STMN3: variants seen among roughly 807,000 people sequenced by gnomAD.
STMN3 encodes stathmin-3.
In STMN3, 24 loss-of-function variants were observed where a neutral mutation model predicts 23.2. That is an observed-to-expected ratio of 1.03 (90% CI 0.75 to 1.45). The LOEUF is 1.45. Among genes scored for constraint, STMN3 ranks in the 40% most tolerant of loss-of-function variants. The pLI, the probability that STMN3 is intolerant of heterozygous loss-of-function variation, is 0.00. For missense variants in STMN3, 235 were observed against 237.6 expected (o/e 0.99, Z 0.07); for synonymous variants, 117 against 103.4 (o/e 1.13, Z -0.80).
chr20:63,644,172 G>T, intron 2 of STMN3, 42 bp downstream of exon 2: 2 of 1,547,608 alleles, frequency 1.3e-6, no homozygotes, highest in Non-Finnish European at 1.8e-6. Context: ...GGTGAGGTGG[G>T]CAGGCACCGC....
At chr20:63,644,176 G>A (rs141932828) in intron 2 of STMN3, 38 bp downstream of exon 2, 3 of 1,561,938 alleles carry the variant, frequency 1.9e-6, no homozygotes, top group East Asian at 2.2e-5. Context: ...AGGTGGGCAG[G>A]CACCGCAGGG....
chr20:63,652,640 G>T lies in STMN3; in HGVS notation c.19+687C>A, dbSNP rs996645287. The T allele has an allele frequency of 6.1e-6, 6 of 985,402 alleles. No individual in the cohort carries two copies. Among genetic ancestry groups the T allele is most frequent in the Non-Finnish European group, 7.2e-6 (6 of 830,002 alleles). 61.0% of individuals were successfully genotyped at this position (985,402 alleles called of 1,614,324 possible). A position where few individuals can be genotyped will look rare whatever the true frequency, so the allele number is the denominator to read the frequency against. The stretch of plus-strand genomic sequence containing the variant: ...GGAGGGGCGGAGCCCTCTGGTCTCC[G>T]GAGGGTTTGGGGATCGCAGTCGCCC... On this transcript the variant is annotated intron_variant, in intron 1 of 4. Transcript: ENST00000370053. The surrounding 1 kb of genome is among the most constrained non-coding windows in gnomAD (Gnocchi z 5.3).
rs546281141 is a variant in STMN3, at chr20:63,652,429, C to A, written c.19+898G>T. On this transcript the variant is annotated intron_variant, in intron 1 of 4. Coordinates refer to ENST00000370053, the MANE Select transcript of STMN3 (RefSeq NM_015894.4). The surrounding 1 kb of genome is among the most constrained non-coding windows in gnomAD (Gnocchi z 5.3). ...GGCCTCGCGGCGGAGCAGAGCGTTT[C>A]GGGAAGGGCGGGCCCAGCGTCCTCG... is the stretch of plus-strand genomic sequence containing the variant. 8.4e-5 allele frequency: 29 copies of A among 345,016 alleles called. No homozygotes were observed. The highest frequency in any genetic ancestry group is 6.2e-4 in the African/African-American group (28 of 45,134). 21.4% of individuals were successfully genotyped at this position (345,016 alleles called of 1,614,324 possible).
chr20:63,643,302 T>C (rs954103584), intron 3 of STMN3, among the ~76,000 whole-genome samples: 3 of 152,124 alleles, frequency 2.0e-5, no homozygotes, highest in African/African-American at 7.2e-5. Flanking sequence ...TTTTTTGAAA[T>C]GGAGTCTCAC....
intron 3 of STMN3, among the ~76,000 whole-genome samples, chr20:63,642,917 C>T (rs1162242808): frequency 6.6e-6 from 1 of 152,162 alleles, no homozygotes. Context: ...GGAGCCGCTT[C>T]CCCTGCCCAA....
chr20:63,644,441 T>C (rs1325441990), intron 1 of STMN3, 132 bp from the exon 2 acceptor site: 1 of 669,026 alleles, frequency 1.5e-6, no homozygotes, highest in African/African-American at 1.8e-5. Context: ...CTCTTGTGTG[T>C]CTCCACACCG....
At position 63,644,284 on chromosome 20, in the gene STMN3, C is replaced by T. The variant is rs758983509; in HGVS notation, c.45G>A (p.Leu15=). The change falls in exon 2 of 5, where the codon CTG becomes CTA. Residue 15 remains leucine, a synonymous_variant. Coordinates refer to ENST00000370053, the MANE Select transcript of STMN3 (RefSeq NM_015894.4). ...ISAYKEKMKE[L]SVLSLICSCF... is the part of the protein sequence containing the mutation. Reference sequence around the variant, plus strand: ...AGGAGCAGATGAGCGACAGCACCGACAGCTCCTTCATCTTCTCCTTGTAGG... The same window carrying T: ...AGGAGCAGATGAGCGACAGCACCGATAGCTCCTTCATCTTCTCCTTGTAGG... 2.5e-6 allele frequency: 4 copies of T among 1,613,382 alleles called. No individual in the cohort carries two copies. The highest frequency in any genetic ancestry group is 1.3e-5 in the African/African-American group (1 of 74,900).
At chr20:63,647,876 A>G (rs28622468) in intron 1 of STMN3, among the ~76,000 whole-genome samples, 3 of 122,206 alleles carry the variant, frequency 2.5e-5, no homozygotes, top group Non-Finnish European at 3.6e-5. Flanking sequence ...ATACACGTGT[A>G]TATATTAATA....
At chr20:63,649,931 A>T (rs183224780) in intron 1 of STMN3, among the ~76,000 whole-genome samples, 4 of 150,886 alleles carry the variant, frequency 2.7e-5, no homozygotes, top group Non-Finnish European at 5.9e-5. Flanking sequence ...AGTTCAAGTG[A>T]TTCTCCTGCC....
chr20:63,640,695 C>G lies in STMN3; in HGVS notation c.*643G>C, dbSNP rs773698578. On this transcript the variant is annotated 3_prime_UTR_variant, in exon 5 of 5. Coordinates refer to ENST00000370053, the MANE Select transcript of STMN3 (RefSeq NM_015894.4). ...CAGAGAATGCCCACTCCCCAGCAGACTCAGGGCAGGCCCCCAACTGCAGGC... is the reference window on the plus strand; with the variant it reads ...CAGAGAATGCCCACTCCCCAGCAGAGTCAGGGCAGGCCCCCAACTGCAGGC... The G allele has an allele frequency of 5.8e-6, 1 of 173,174 alleles. No homozygotes were observed. The highest frequency in any genetic ancestry group is 5.5e-5 in the Admixed American group (1 of 18,192). The allele number at this position is 173,174 out of a possible 1,614,324, so 10.7% of individuals were successfully genotyped here. A position where few individuals can be genotyped will look rare whatever the true frequency, so the allele number is the denominator to read the frequency against.
At position 63,643,915 on chromosome 20, in the gene STMN3, C is replaced by A. The variant is rs1301997605; in HGVS notation, c.132G>T (p.Gln44His). 13 of 1,598,362 alleles carry A rather than the reference C, an allele frequency of 8.1e-6. No homozygotes were observed. Among genetic ancestry groups the A allele is most frequent in the Non-Finnish European group, 9.4e-6 (11 of 1,176,040 alleles). ...VYQYGDMEVK[Q>H]LDKRASGQSF... ...TCTGGCCTGAGGCCCGCTTGTCCAG[C>A]TGCTTCACCTCCATGTCTGCAGGGC... The change falls in exon 3 of 5, where the codon CAG becomes CAT. Residue 44 changes from glutamine to histidine, a missense_variant. Physicochemically the swap from Gln to His is conservative, Grantham distance 24. Coordinates refer to ENST00000370053, the MANE Select transcript of STMN3 (RefSeq NM_015894.4).
rs879072465 is a variant in STMN3 at position 63,641,064 on chromosome 20, T to C, written c.*274A>G. 75 of 541,354 alleles carry C rather than the reference T, an allele frequency of 1.4e-4. No homozygotes were observed. The South Asian group carries it at 1.5e-3, about 11-fold the overall frequency. 33.5% of individuals were successfully genotyped at this position (541,354 alleles called of 1,614,324 possible). A position where few individuals can be genotyped will look rare whatever the true frequency, so the allele number is the denominator to read the frequency against. On this transcript the variant is annotated 3_prime_UTR_variant, in exon 5 of 5. Transcript: ENST00000370053. ...TGGGTTTACCACGGTCACCGCCACC[T>C]CTCTCACAGGGCCCCCGGGGGACCC... is the stretch of plus-strand genomic sequence containing the variant.
At chr20:63,643,263 C>T (rs1286820248) in intron 3 of STMN3, among the ~76,000 whole-genome samples, 4 of 152,174 alleles carry the variant, frequency 2.6e-5, no homozygotes, top group Non-Finnish European at 5.9e-5. Flanking sequence ...TTCCTCCTCT[C>T]CATCCCTTTC....
Position 63,643,740 on chromosome 20 carries a change from A to C in STMN3, c.291+16T>G. On this transcript the variant is annotated intron_variant, in intron 3 of 4. Coordinates refer to ENST00000370053, the MANE Select transcript of STMN3 (RefSeq NM_015894.4). ...CGTTGAAACTCCTGGGGGGTGGGGG[A>C]TGGAGGACTCCTTGCCTTCCTCCGC... 1 of 1,518,770 alleles carries C rather than the reference A, an allele frequency of 6.6e-7. No individual in the cohort carries two copies. Among genetic ancestry groups the C allele is most frequent in the Non-Finnish European group, 8.7e-7 (1 of 1,143,332 alleles). 94.1% of individuals were successfully genotyped at this position (1,518,770 alleles called of 1,614,324 possible).
intron 1 of STMN3, among the ~76,000 whole-genome samples, chr20:63,646,498 G>GCACCGCCAC (rs2089810382): frequency 1.3e-5 from 2 of 151,826 alleles, no homozygotes; most frequent in South Asian, 4.2e-4. Context: ...GGGACCACAG[G>GCACCGCCAC]CACCGCCACC....
Position 63,652,837 on chromosome 20 carries a change from C to T in STMN3, c.19+490G>A, listed in dbSNP as rs2146125329. Reference sequence around the variant, plus strand: ...GCCCGCCCCCCTCCTTCAGCGCCCCCTCCAGCCCCTGTGCTGCACTGGCGC... The same window carrying T: ...GCCCGCCCCCCTCCTTCAGCGCCCCTTCCAGCCCCTGTGCTGCACTGGCGC... On this transcript the variant is annotated intron_variant, in intron 1 of 4. Transcript: ENST00000370053. This position sits in a 1 kb window ranked among gnomAD's most constrained non-coding sequence, Gnocchi z 5.3. The T allele has an allele frequency of 1.0e-6, 1 of 969,624 alleles. No individual in the cohort carries two copies. The highest frequency in any genetic ancestry group is 1.2e-6 in the Non-Finnish European group (1 of 815,448). 60.1% of individuals were successfully genotyped at this position (969,624 alleles called of 1,614,324 possible). A position where few individuals can be genotyped will look rare whatever the true frequency, so the allele number is the denominator to read the frequency against.
chr20:63,640,238 C>G lies in STMN3; in HGVS notation c.*1100G>C, dbSNP rs989839756. ...CCCCCACCGCCATCCTCCAGCTGAC[C>G]GTCCTCCAAGGCCAGCACTGGGCGT... On this transcript the variant is annotated 3_prime_UTR_variant, in exon 5 of 5. Coordinates refer to ENST00000370053, the MANE Select transcript of STMN3 (RefSeq NM_015894.4). The G allele has an allele frequency of 6.5e-6, 1 of 152,820 alleles. No homozygotes were observed. The highest frequency in any genetic ancestry group is 1.5e-5 in the Non-Finnish European group (1 of 68,232). 9.5% of individuals were successfully genotyped at this position (152,820 alleles called of 1,614,324 possible).
intron 1 of STMN3, among the ~76,000 whole-genome samples, chr20:63,647,900 A>C (rs2089827251): frequency 7.7e-6 from 1 of 129,314 alleles, no homozygotes; most frequent in African/African-American, 2.8e-5. Context: ...ATACGTATAT[A>C]TACACGTGTG....
chr20:63,641,480 G>A, intron 4 of STMN3, 83 bp from the exon 5 acceptor site: 1 of 1,199,040 alleles, frequency 8.3e-7, no homozygotes, highest in Non-Finnish European at 1.2e-6. Flanking sequence ...AGGCCGTGGC[G>A]CCCTGGCACC....
Sources: allele counts gnomAD v4.1 joint callset (sites outside exome capture counted in the v4.1 genomes callset), GRCh38; gene constraint gnomAD v4.1.1; non-coding constraint Gnocchi (gnomAD v3.1); transcripts MANE v1.5; gene names NCBI Gene and HGNC (gene_info 2026-07-23, HGNC 2026-07-21).